MSN: variants seen among roughly 807,000 people sequenced by gnomAD.
MSN encodes the protein epididymis luminal protein 70.
In MSN, 2 loss-of-function variants were observed where a neutral mutation model predicts 48.0. The ratio of observed to expected loss-of-function variants is 0.04; its 90% CI spans 0.02 to 0.13. The LOEUF (loss-of-function observed/expected upper bound fraction) is 0.13. Ranked by LOEUF, MSN falls within the 10% of genes least tolerant of loss-of-function variation. The pLI is 1.00. For missense variants in MSN, 267 were observed against 470.1 expected, an observed-to-expected ratio of 0.57 and a Z score of 3.99; for synonymous variants, 146 against 166.9, an observed-to-expected ratio of 0.87 and a Z score of 0.97.
chrX:65,627,413 G>C (rs1327175734), intron 1 of MSN, among the ~76,000 whole-genome samples: 1 of 110,139 alleles, frequency 9.1e-6, no homozygotes, highest in Non-Finnish European at 1.9e-5. Flanking sequence ...CAGAATCATG[G>C]CAGGAGACGA....
intron 1 of MSN, among the ~76,000 whole-genome samples, chrX:65,615,865 C>G (rs1469972739): frequency 9.0e-6 from 1 of 111,203 alleles, no homozygotes; most frequent in African/African-American, 3.3e-5. Context: ...TTTAATCCAT[C>G]TTGAATTGAT....
intron 1 of MSN, among the ~76,000 whole-genome samples, chrX:65,626,631 AAAC>A (rs762645415): frequency 9.0e-5 from 10 of 110,966 alleles, no homozygotes; most frequent in South Asian, 3.8e-4. Flanking sequence ...AACAAACAAT[AAAC>A]AACAACAACA....
At chrX:65,609,711 A>G (rs1298887797) in intron 1 of MSN, among the ~76,000 whole-genome samples, 1 of 111,403 alleles carries the variant, frequency 9.0e-6, no homozygotes. Context: ...GTGAAACCCC[A>G]TCTCTACTAA....
chrX:65,654,865 G>A (rs934122924), intron 1 of MSN, among the ~76,000 whole-genome samples: 8 of 111,344 alleles, frequency 7.2e-5, no homozygotes, highest in Non-Finnish European at 1.3e-4. Flanking sequence ...TTTTCAGAGC[G>A]TTGTAGGTGG....
chrX:65,684,322 T>A lies in MSN; in HGVS notation c.12+16469T>A, dbSNP rs112333395. Among the ~76,000 whole-genome samples, 801 of 112,433 alleles carry A rather than the reference T, an allele frequency of 7.1e-3. 10 individuals are homozygous for A. Among genetic ancestry groups the A allele is most frequent in the African/African-American group, 0.025 (760 of 30,976 alleles). On this transcript the variant is annotated intron_variant, in intron 1 of 12. Transcript: ENST00000360270. ...ACAAATCCGTATTGTTCTGCTTTTTTAACTTAGTATGTGCTGGCCATCTTT... is the reference window on the plus strand; with the variant it reads ...ACAAATCCGTATTGTTCTGCTTTTTAAACTTAGTATGTGCTGGCCATCTTT...
intron 1 of MSN, among the ~76,000 whole-genome samples, chrX:65,597,635 A>T (rs1326788660): frequency 8.9e-6 from 1 of 112,352 alleles, no homozygotes; most frequent in Non-Finnish European, 1.9e-5. Flanking sequence ...GGTGTGAGCC[A>T]CCATGCCCAG....
chrX:65,630,223 C>G (rs919382288), intron 1 of MSN, among the ~76,000 whole-genome samples: 1 of 109,313 alleles, frequency 9.1e-6, no homozygotes, highest in African/African-American at 3.3e-5. Flanking sequence ...AGTGTCCTCA[C>G]TGAGTTGTGT....
At chrX:65,628,133 G>T (rs2047889046) in intron 1 of MSN, among the ~76,000 whole-genome samples, 1 of 112,406 alleles carries the variant, frequency 8.9e-6, no homozygotes, top group Admixed American at 9.4e-5. Flanking sequence ...GCAAGCTGTT[G>T]GTGGAGCTAC....
chrX:65,612,333 C>T (rs1184398398), intron 1 of MSN, among the ~76,000 whole-genome samples: 1 of 111,227 alleles, frequency 9.0e-6, no homozygotes, highest in East Asian at 2.8e-4. Flanking sequence ...TCTTGGACTT[C>T]GTAGCCTCCA....
At chrX:65,653,184 C>T (rs969558363) in intron 1 of MSN, among the ~76,000 whole-genome samples, 1 of 111,255 alleles carries the variant, frequency 9.0e-6, no homozygotes, top group Non-Finnish European at 1.9e-5. Context: ...TCATCTTCCC[C>T]TGTGGCATTA....
At position 65,714,208 on chromosome X, in the gene MSN, A is replaced by G. The variant is rs777311856; in HGVS notation, c.13-2610A>G. Among the ~76,000 whole-genome samples, 17 of 112,300 alleles carry G rather than the reference A, an allele frequency of 1.5e-4. 1 individual carries two copies. The South Asian group carries it at 6.3e-3, about 41-fold the overall frequency. On this transcript the variant is annotated intron_variant, in intron 1 of 12. Coordinates refer to ENST00000360270, the MANE Select transcript of MSN (RefSeq NM_002444.3). ...ATACTAACATACATTTTCTTTATCCAGTCTACCATTGACTGGCATTTAGGT... is the reference window on the plus strand; with the variant it reads ...ATACTAACATACATTTTCTTTATCCGGTCTACCATTGACTGGCATTTAGGT...
chrX:65,651,953 T>C (rs2148375323), intron 1 of MSN, among the ~76,000 whole-genome samples: 1 of 106,589 alleles, frequency 9.4e-6, no homozygotes, highest in East Asian at 3.2e-4. Context: ...CCTCTAGTCA[T>C]ATTAACACCA....
chrX:65,728,788 C>G (rs988189486), intron 3 of MSN, among the ~76,000 whole-genome samples: 1 of 111,712 alleles, frequency 9.0e-6, no homozygotes, highest in Non-Finnish European at 1.9e-5. Context: ...CTCTCCACCC[C>G]AAGCAGCATC....
chrX:65,633,389 C>T (rs1298925382), intron 1 of MSN, among the ~76,000 whole-genome samples: 1 of 112,050 alleles, frequency 8.9e-6, no homozygotes, highest in Non-Finnish European at 1.9e-5. Flanking sequence ...ATGCATTAGG[C>T]ATATTTACAA....
intron 1 of MSN, among the ~76,000 whole-genome samples, chrX:65,679,633 T>G (rs1157555564): frequency 8.9e-6 from 1 of 112,417 alleles, no homozygotes; most frequent in Non-Finnish European, 1.9e-5. Flanking sequence ...TAAGCAAGTT[T>G]ATGGGAAAGG....
At chrX:65,647,236 G>T (rs1168621933) in intron 1 of MSN, among the ~76,000 whole-genome samples, 2 of 103,707 alleles carry the variant, frequency 1.9e-5, no homozygotes, top group South Asian at 4.5e-4. Context: ...TTTTGAGATG[G>T]AGTCTTGCAC....
chrX:65,683,099 T>C (rs1309215946), intron 1 of MSN, among the ~76,000 whole-genome samples: 1 of 112,871 alleles, frequency 8.9e-6, no homozygotes, highest in Non-Finnish European at 1.9e-5. Flanking sequence ...CTGTCCACCT[T>C]TGTGAAGTAG....
At chrX:65,627,900 A>C (rs769820309) in intron 1 of MSN, among the ~76,000 whole-genome samples, 1 of 112,115 alleles carries the variant, frequency 8.9e-6, no homozygotes, top group African/African-American at 3.2e-5. Flanking sequence ...GAAATTGGCC[A>C]AAACAAGGAG....
At chrX:65,703,675 A>C (rs1215345757) in intron 1 of MSN, among the ~76,000 whole-genome samples, 1 of 111,815 alleles carries the variant, frequency 8.9e-6, no homozygotes, top group African/African-American at 3.3e-5. Context: ...AGCGATTCTC[A>C]TGCCTCAGCC....
Sources: gnomAD v4.1 joint callset for allele counts (sites outside exome capture counted in the v4.1 genomes callset) on GRCh38, gnomAD v4.1.1 for gene constraint, MANE v1.5 for transcripts, NCBI Gene and HGNC (gene_info 2026-07-23, HGNC 2026-07-21) for gene names.